Variants in IKBKE observed in about 807,000 individuals in gnomAD.
IKBKE encodes the protein inhibitor of nuclear factor kappa-B kinase subunit epsilon.
A neutral mutation model predicts 92.1 loss-of-function variants in IKBKE; 45 were observed. The observed-to-expected ratio is 0.49, with a 90% confidence interval of 0.38 to 0.63. The LOEUF (loss-of-function observed/expected upper bound fraction) is 0.63, where lower values mean the gene tolerates loss of function less well. IKBKE is among the 20% of genes least tolerant of loss of function. The pLI, the probability that IKBKE is intolerant of heterozygous loss-of-function variation, is 0.00. For synonymous variants in IKBKE, 374 were observed against 380.3 expected, an observed-to-expected ratio of 0.98 and a Z score of 0.19; for missense variants, 700 against 932.8, an observed-to-expected ratio of 0.75 and a Z score of 3.25.
At position 206,478,116 on chromosome 1, in the gene IKBKE, T is replaced by C; in HGVS notation, c.813-44T>C. ...CTATTGCCTGCTTAAGGAGGATAGG[T>C]CTGGGCCCCCACCCCTGACAGTCTC... On this transcript the variant is annotated intron_variant, in intron 8 of 21. Transcript: ENST00000581977. The surrounding 1 kb of genome is among the most constrained non-coding windows in gnomAD (Gnocchi z 4.8). 6.4e-7 allele frequency: 1 copy of C among 1,572,262 alleles called. No individual in the cohort carries two copies. Among genetic ancestry groups the C allele is most frequent in the Non-Finnish European group, 8.7e-7 (1 of 1,149,238 alleles).
chr1:206,492,810 G>T, intron 18 of IKBKE: 1 of 671,668 alleles, frequency 1.5e-6, no homozygotes. Context: ...CGGCTCTGAA[G>T]GGGGCCTCCC....
chr1:206,477,898 A>T (rs1297373300), intron 8 of IKBKE, 39 bp downstream of exon 8: 2 of 1,350,668 alleles, frequency 1.5e-6, no homozygotes, highest in Non-Finnish European at 2.1e-6. Context: ...CTGGAGTCTG[A>T]GCTGGGTGTC....
chr1:206,488,677 C>A lies in IKBKE; in HGVS notation c.1693+687C>A, dbSNP rs1324945535. On this transcript the variant is annotated intron_variant, in intron 16 of 21. Transcript: ENST00000581977. ...AACACACCAGGAACCAAACCTCCCC[C>A]TCCTCTCCCAGGCCCCAAGCATTTC... Among the ~76,000 whole-genome samples, 5 of 152,228 alleles carry A rather than the reference C, an allele frequency of 3.3e-5. No individual in the cohort carries two copies. In the East Asian group the frequency reaches 9.7e-4, roughly 29 times the overall value.
chr1:206,474,212 TG>T, intron 3 of IKBKE, 118 bp from the exon 4 acceptor site: 1 of 944,472 alleles, frequency 1.1e-6, no homozygotes, highest in African/African-American at 1.6e-5. Flanking sequence ...GGCTAATCTC[TG>T]GGGTTGGGCT....
At chr1:206,484,331 C>T (rs1665546780) in intron 13 of IKBKE, among the ~76,000 whole-genome samples, 1 of 152,088 alleles carries the variant, frequency 6.6e-6, no homozygotes, top group South Asian at 2.1e-4. Flanking sequence ...TCCAGTTGAA[C>T]ATTTTTTGCT....
chr1:206,494,827 C>T (rs1280460610), intron 21 of IKBKE, among the ~76,000 whole-genome samples: 1 of 151,700 alleles, frequency 6.6e-6, no homozygotes, highest in Non-Finnish European at 1.5e-5. Context: ...TGGTCTCAAA[C>T]TCCTGGTCTC....
intron 4 of IKBKE, 30 bp downstream of exon 4, chr1:206,474,501 CTT>C (rs1664949746): frequency 1.3e-6 from 2 of 1,596,118 alleles, no homozygotes; most frequent in Non-Finnish European, 1.7e-6. Flanking sequence ...AGAGAATGGT[CTT>C]GTCCTTGACC....
chr1:206,496,287 A>G lies in IKBKE; in HGVS notation c.*142A>G. 1.4e-6 allele frequency: 1 copy of G among 714,078 alleles called. No individual in the cohort carries two copies. The highest frequency in any genetic ancestry group is 1.6e-5 in the South Asian group (1 of 62,540). 44.2% of individuals were successfully genotyped at this position (714,078 alleles called of 1,614,324 possible). On this transcript the variant is annotated 3_prime_UTR_variant, in exon 22 of 22. Coordinates refer to ENST00000581977, the MANE Select transcript of IKBKE (RefSeq NM_014002.4). ...CCTGGCTGCTGGCCAGGATGTCGCC[A>G]GCATTACCTTCCACTGCCTTTCTCC...
Position 206,496,395 on chromosome 1 carries a change from C to G in IKBKE, c.*250C>G. ...AAAGAGTGTGGCAGCAACTGCCTGG[C>G]TGACCTTTCTATCTTCTCTAGGCTC... On this transcript the variant is annotated 3_prime_UTR_variant, in exon 22 of 22. Coordinates refer to ENST00000581977, the MANE Select transcript of IKBKE (RefSeq NM_014002.4). 1.9e-6 allele frequency: 1 copy of G among 536,548 alleles called. No individual in the cohort carries two copies. Among genetic ancestry groups the G allele is most frequent in the Admixed American group, 3.3e-5 (1 of 30,438 alleles). 33.2% of individuals were successfully genotyped at this position (536,548 alleles called of 1,614,324 possible). A position where few individuals can be genotyped will look rare whatever the true frequency, so the allele number is the denominator to read the frequency against.
chr1:206,474,675 A>G (rs1664961738), intron 4 of IKBKE, 190 bp from the exon 5 acceptor site: 1 of 801,642 alleles, frequency 1.2e-6, no homozygotes, highest in East Asian at 2.7e-5. Context: ...GTACCTAAGC[A>G]GAGGGCTTCC....
Position 206,496,241 on chromosome 1 carries a change from A to G in IKBKE, c.*96A>G. On this transcript the variant is annotated 3_prime_UTR_variant, in exon 22 of 22. Transcript: ENST00000581977. ...CCAACCCAGGGCAAGATCCCATCCC[A>G]TCACATCAGCCTACCTCCCTCCTGG... The G allele has an allele frequency of 1.0e-6, 1 of 1,003,570 alleles. No individual in the cohort carries two copies. Among genetic ancestry groups the G allele is most frequent in the Non-Finnish European group, 1.6e-6 (1 of 627,234 alleles). 62.2% of individuals were successfully genotyped at this position (1,003,570 alleles called of 1,614,324 possible).
chr1:206,480,859 C>G (rs532723560), intron 13 of IKBKE, among the ~76,000 whole-genome samples: 1 of 152,308 alleles, frequency 6.6e-6, no homozygotes, highest in African/African-American at 2.4e-5. Context: ...AGTGCTCACC[C>G]TATGCCAAGT....
In IKBKE at chr1:206,474,389, G is replaced by T. The variant is rs150428746; in HGVS notation, c.146G>T (p.Arg49Leu). ...AACACTACCAGCTACCTGCGGCCCC[G>T]CGAGGTGCAGGTGAGGGAGTTTGAG... ...VFNTTSYLRP[R>L]EVQVREFEVL... The change falls in exon 4 of 22, where the codon CGC (arginine) becomes CTC (leucine). Residue 49 changes from arginine (R) to leucine (L), a missense_variant. Arg to Leu is a moderately radical substitution (Grantham distance 102, BLOSUM62 -2). Coordinates refer to ENST00000581977, the MANE Select transcript of IKBKE (RefSeq NM_014002.4). 35 of 1,613,662 alleles carry T rather than the reference G, an allele frequency of 2.2e-5. No individual in the cohort carries two copies. The East Asian group carries it at 6.0e-4, about 28-fold the overall frequency.
rs555353621 is a variant in IKBKE, at chr1:206,488,140, G to C, written c.1693+150G>C. 7 of 652,448 alleles carry C rather than the reference G, an allele frequency of 1.1e-5. No individual in the cohort carries two copies. In the African/African-American group the frequency reaches 1.3e-4, roughly 12 times the overall value. 40.4% of individuals were successfully genotyped at this position (652,448 alleles called of 1,614,324 possible). On this transcript the variant is annotated intron_variant, in intron 16 of 21. Transcript: ENST00000581977. ...GGTGGTTCTTGGAGGCCCACTAAGCGGATGGTTCTGTGCAGCTGCTCTAGG... is the reference window on the plus strand; with the variant it reads ...GGTGGTTCTTGGAGGCCCACTAAGCCGATGGTTCTGTGCAGCTGCTCTAGG...
chr1:206,485,792 G>A lies in IKBKE; in HGVS notation c.1616+486G>A, dbSNP rs1016782117. ...CAGGTCGGGTCTGTCCACCTCCAAAGCCTATGTTCTTGGCCTATGCCAGGC... is the reference window on the plus strand; with the variant it reads ...CAGGTCGGGTCTGTCCACCTCCAAAACCTATGTTCTTGGCCTATGCCAGGC... On this transcript the variant is annotated intron_variant, in intron 15 of 21. Coordinates refer to ENST00000581977, the MANE Select transcript of IKBKE (RefSeq NM_014002.4). This position sits in a 1 kb window ranked among gnomAD's most constrained non-coding sequence, Gnocchi z 5.0. Among the ~76,000 whole-genome samples the A allele has an allele frequency of 1.3e-5, 2 of 152,214 alleles. No homozygotes were observed. Among genetic ancestry groups the A allele is most frequent in the Admixed American group, 6.5e-5 (1 of 15,286 alleles).
intron 5 of IKBKE, among the ~76,000 whole-genome samples, chr1:206,475,325 G>A (rs1254220579): frequency 6.6e-6 from 1 of 152,174 alleles, no homozygotes; most frequent in African/African-American, 2.4e-5. Flanking sequence ...AGACACAGAA[G>A]GACAAATCCT....
intron 13 of IKBKE, among the ~76,000 whole-genome samples, chr1:206,483,338 A>C (rs946989284): frequency 3.3e-5 from 5 of 152,188 alleles, no homozygotes; most frequent in Non-Finnish European, 1.5e-5. Context: ...CTCCCTGTGG[A>C]GATGTATTGG....
At chr1:206,484,920 G>A in intron 13 of IKBKE, 77 bp from the exon 14 acceptor site, 4 of 1,165,798 alleles carry the variant, frequency 3.4e-6, no homozygotes, top group Non-Finnish European at 5.2e-6. Flanking sequence ...CCCAGCATGT[G>A]CCAACAGAGC....
Position 206,485,119 on chromosome 1 carries a change from G to A in IKBKE, c.1503+47G>A, listed in dbSNP as rs1572255519. 2 of 1,592,598 alleles carry A rather than the reference G, an allele frequency of 1.3e-6. No individual in the cohort carries two copies. The highest frequency in any genetic ancestry group is 1.1e-5 in the South Asian group (1 of 90,662). ...GGGCTTAGCAGGATCAGAGCTGGGG[G>A]CCCGTGTTCCAGCCAGCCTGCCCAC... On this transcript the variant is annotated intron_variant, in intron 14 of 21. Coordinates refer to ENST00000581977, the MANE Select transcript of IKBKE (RefSeq NM_014002.4). The surrounding 1 kb of genome is among the most constrained non-coding windows in gnomAD (Gnocchi z 5.0).
Sources: allele counts gnomAD v4.1 joint callset (sites outside exome capture counted in the v4.1 genomes callset), GRCh38; gene constraint gnomAD v4.1.1; non-coding constraint Gnocchi (gnomAD v3.1); transcripts MANE v1.5; gene names NCBI Gene and HGNC (gene_info 2026-07-23, HGNC 2026-07-21).